The following ENDOU variants were observed in gnomAD, a reference collection of about 807,000 sequenced individuals.
ENDOU encodes uridylate-specific endoribonuclease.
In ENDOU, 49 loss-of-function variants were observed where a neutral mutation model predicts 54.2. The observed-to-expected ratio is 0.90, with a 90% CI of 0.72 to 1.15. The LOEUF (loss-of-function observed/expected upper bound fraction) is 1.15. Among genes scored for constraint, ENDOU ranks in the 50% most tolerant of loss-of-function variants. The pLI, the probability that ENDOU is intolerant of heterozygous loss-of-function variation, is 0.00. For missense variants in ENDOU, 458 were observed against 511.4 expected, an observed-to-expected ratio of 0.90 and a Z score of 1.01; for synonymous variants, 172 against 190.5, an observed-to-expected ratio of 0.90 and a Z score of 0.80.
chr12:47,724,247 C>T (rs527400884), intron 1 of ENDOU, among the ~76,000 whole-genome samples: 4 of 152,342 alleles, frequency 2.6e-5, no homozygotes, highest in African/African-American at 9.6e-5. Flanking sequence ...TGGTGGCTCC[C>T]AGGCCCACCC....
chr12:47,721,031 C>T (rs1940418097), intron 1 of ENDOU, among the ~76,000 whole-genome samples, 156 bp from the exon 2 acceptor site: 1 of 152,112 alleles, frequency 6.6e-6, no homozygotes, highest in Non-Finnish European at 1.5e-5. Flanking sequence ...GCCTCCCATG[C>T]ACAACATAAG....
Position 47,710,820 on chromosome 12 carries a change from G to C in ENDOU, c.1215C>G (p.Tyr405Ter), listed in dbSNP as rs764790311. The C allele has an allele frequency of 1.9e-6, 3 of 1,613,730 alleles. No individual in the cohort carries two copies. The highest frequency in any genetic ancestry group is 8.5e-7 in the Non-Finnish European group (1 of 1,179,598). The change falls in exon 10 of 10, where the codon TAC becomes TAG. Residue 405 changes from tyrosine (Y) to a stop codon, truncating the protein, a stop_gained. Coordinates refer to ENST00000422538, the MANE Select transcript of ENDOU (RefSeq NM_001172439.2). LOFTEE classifies it high-confidence loss of function. ...GNGKKYIATA[Y>*]IVSST ...AGTTCTATTAGGTGGAAGACACTAT[G>C]TAGGCTGTGGCGATGTACTTCTTGC... is the stretch of plus-strand genomic sequence containing the variant.
At chr12:47,717,347 G>T (rs1205895196) in intron 4 of ENDOU, 171 bp downstream of exon 4, 1 of 754,812 alleles carries the variant, frequency 1.3e-6, no homozygotes, top group Non-Finnish European at 2.2e-6. Flanking sequence ...AGGACAGTGA[G>T]TCCCATCCCT....
intron 3 of ENDOU, 144 bp from the exon 4 acceptor site, chr12:47,717,799 G>A (rs1940308319): frequency 1.2e-6 from 1 of 813,158 alleles, no homozygotes; most frequent in South Asian, 1.7e-5. Context: ...CCTAATTCGT[G>A]CACACCCTTC....
At chr12:47,717,178 C>T (rs1940277903) in intron 4 of ENDOU, 120 bp from the exon 5 acceptor site, 3 of 775,470 alleles carry the variant, frequency 3.9e-6, no homozygotes, top group Middle Eastern at 3.8e-4. Flanking sequence ...GGGAGGGGGG[C>T]CACAGTTGGA....
chr12:47,717,181 C>T (rs1940278020), intron 4 of ENDOU, 123 bp from the exon 5 acceptor site: 8 of 748,776 alleles, frequency 1.1e-5, no homozygotes, highest in Non-Finnish European at 1.8e-5. Flanking sequence ...AGGGGGGCCA[C>T]AGTTGGACAC....
At chr12:47,718,030 G>A (rs1289400355) in intron 3 of ENDOU, 99 bp downstream of exon 3, 1 of 1,060,958 alleles carries the variant, frequency 9.4e-7, no homozygotes, top group Non-Finnish European at 1.4e-6. Flanking sequence ...ATCTGGCTGA[G>A]GCCTGGGCCT....
In ENDOU at chr12:47,712,524, C is replaced by G; in HGVS notation, c.964G>C (p.Asp322His). Reference protein sequence around the residue: ...GLVDYYSHIYDGPWDSYPDVL... With the variant: ...GLVDYYSHIYHGPWDSYPDVL... Reference sequence around the variant, plus strand: ...CTAGTCCGTGTACTCACAGGCCCATCGTAGATGTGACTGTAATAGTCAACC... The same window carrying G: ...CTAGTCCGTGTACTCACAGGCCCATGGTAGATGTGACTGTAATAGTCAACC... The change falls in exon 8 of 10, where the codon GAT becomes CAT. Residue 322 changes from aspartate (D) to histidine (H), a missense_variant. Transcript: ENST00000422538. 6.2e-7 allele frequency: 1 copy of G among 1,612,364 alleles called. No individual in the cohort carries two copies. Among genetic ancestry groups the G allele is most frequent in the Non-Finnish European group, 8.5e-7 (1 of 1,178,446 alleles).
At chr12:47,716,558 C>T (rs1384928271) in intron 5 of ENDOU, 59 bp from the exon 6 acceptor site, 8 of 1,533,536 alleles carry the variant, frequency 5.2e-6, no homozygotes, top group African/African-American at 1.4e-5. Context: ...GCGACCCCTC[C>T]AGAGACTTCT....
Position 47,725,248 on chromosome 12 carries a change from C to T in ENDOU, c.55+111G>A, listed in dbSNP as rs931674708. Reference sequence around the variant, plus strand: ...TGCTCTGCGGCTTTAGGACAGAGCTCACCCTCCCTTGTCCCACGGCCCTGC... The same window carrying T: ...TGCTCTGCGGCTTTAGGACAGAGCTTACCCTCCCTTGTCCCACGGCCCTGC... On this transcript the variant is annotated intron_variant, in intron 1 of 9. Coordinates refer to ENST00000422538, the MANE Select transcript of ENDOU (RefSeq NM_001172439.2). 29 of 1,210,082 alleles carry T rather than the reference C, an allele frequency of 2.4e-5. No individual in the cohort carries two copies. The African/African-American group carries it at 2.8e-4, about 12-fold the overall frequency. The allele number at this position is 1,210,082 out of a possible 1,614,324, so 75.0% of individuals were successfully genotyped here. A position where few individuals can be genotyped will look rare whatever the true frequency, so the allele number is the denominator to read the frequency against.
intron 1 of ENDOU, among the ~76,000 whole-genome samples, chr12:47,723,586 A>G (rs978490755): frequency 2.0e-5 from 3 of 152,020 alleles, no homozygotes; most frequent in Admixed American, 2.0e-4. Flanking sequence ...CCCCCAAGAA[A>G]TGCTCAATTT....
intron 1 of ENDOU, among the ~76,000 whole-genome samples, 168 bp from the exon 2 acceptor site, chr12:47,721,043 C>G (rs1424522034): frequency 6.6e-6 from 1 of 152,106 alleles, no homozygotes; most frequent in Non-Finnish European, 1.5e-5. Context: ...CAACATAAGC[C>G]TCCTCCCCAC....
At chr12:47,717,480 C>T in intron 4 of ENDOU, 38 bp downstream of exon 4, 1 of 1,606,248 alleles carries the variant, frequency 6.2e-7, no homozygotes, top group Admixed American at 1.7e-5. Context: ...TAAAGTCCTT[C>T]TGTCTCTGCA....
At chr12:47,711,385 AG>A (rs1197614712) in intron 9 of ENDOU, among the ~76,000 whole-genome samples, 1 of 152,174 alleles carries the variant, frequency 6.6e-6, no homozygotes, top group African/African-American at 2.4e-5. Context: ...TCATATATTA[AG>A]GTCCTGCGTA....
chr12:47,716,272 G>T, intron 6 of ENDOU, 28 bp downstream of exon 6: 1 of 1,610,752 alleles, frequency 6.2e-7, no homozygotes. Flanking sequence ...AGACTCATGC[G>T]CTCTGGGGCC....
chr12:47,725,383 C>T lies in ENDOU; in HGVS notation c.31G>A (p.Val11Met), dbSNP rs139243606. The T allele has an allele frequency of 6.8e-5, 109 of 1,614,220 alleles. No individual in the cohort carries two copies. The African/African-American group carries it at 1.1e-3, about 16-fold the overall frequency. MRACISLVLA[V>M]LCGLAWAGKI... is the part of the protein sequence containing the mutation. The stretch of plus-strand genomic sequence containing the variant: ...CCAGCCCAGGCCAGGCCACACAGCA[C>T]GGCCAATACCAGGGAGATGCAGGCC... Residue 11 changes from valine (V) to methionine (M), a missense_variant, in exon 1 of 10, where the codon GTG (valine) becomes ATG (methionine). By Grantham distance (21) the Val-to-Met change is conservative. Coordinates refer to ENST00000422538, the MANE Select transcript of ENDOU (RefSeq NM_001172439.2).
At chr12:47,714,644 C>T (rs1047024085) in intron 6 of ENDOU, among the ~76,000 whole-genome samples, 1 of 152,178 alleles carries the variant, frequency 6.6e-6, no homozygotes, top group South Asian at 2.1e-4. Context: ...CCTGAGCAAC[C>T]GGATGGGTTA....
intron 1 of ENDOU, among the ~76,000 whole-genome samples, chr12:47,721,236 T>C (rs1490687948): frequency 2.0e-5 from 3 of 152,168 alleles, no homozygotes; most frequent in African/African-American, 7.2e-5. Context: ...CAGCTGATGC[T>C]CAGCTCTAGC....
intron 3 of ENDOU, 119 bp downstream of exon 3, chr12:47,718,010 A>T: frequency 2.2e-6 from 2 of 903,158 alleles, no homozygotes; most frequent in Non-Finnish European, 3.4e-6. Context: ...GAATCCAACA[A>T]GCCTCTCTCA....
Sources: gnomAD v4.1 joint callset for allele counts (sites outside exome capture counted in the v4.1 genomes callset) on GRCh38, gnomAD v4.1.1 for gene constraint, MANE v1.5 for transcripts, NCBI Gene and HGNC (gene_info 2026-07-23, HGNC 2026-07-21) for gene names.